PTPRR: variants seen among roughly 807,000 people sequenced by gnomAD.
PTPRR encodes the protein receptor-type tyrosine-protein phosphatase R.
Under a neutral mutation model 77.2 loss-of-function variants are expected in PTPRR, and 38 were observed. The ratio of observed to expected loss-of-function variants is 0.49; its 90% CI spans 0.38 to 0.65. PTPRR has a LOEUF of 0.65. Ranked by LOEUF, PTPRR falls within the 30% of genes least tolerant of loss-of-function variation. The pLI is 0.00. For synonymous variants in PTPRR, 299 were observed against 283.1 expected, an observed-to-expected ratio of 1.06 and a Z score of -0.57; for missense variants, 744 against 799.2, an observed-to-expected ratio of 0.93 and a Z score of 0.83.
chr12:70,742,779 C>G (rs935244240), intron 6 of PTPRR, among the ~76,000 whole-genome samples: 1 of 151,576 alleles, frequency 6.6e-6, no homozygotes, highest in Non-Finnish European at 1.5e-5. Context: ...TGGGGTTGGA[C>G]GGGGGAAACA....
intron 3 of PTPRR, among the ~76,000 whole-genome samples, chr12:70,764,108 G>A (rs1156560722): frequency 6.6e-6 from 1 of 150,476 alleles, no homozygotes; most frequent in Non-Finnish European, 1.5e-5. Flanking sequence ...CTGGGCTGCA[G>A]TCCTCAGGGT....
intron 2 of PTPRR, among the ~76,000 whole-genome samples, chr12:70,815,840 A>C (rs1212479799): frequency 6.6e-6 from 1 of 152,214 alleles, no homozygotes; most frequent in Non-Finnish European, 1.5e-5. Context: ...GAAGAGCACC[A>C]ACACTGGCCT....
intron 1 of PTPRR, among the ~76,000 whole-genome samples, chr12:70,895,172 A>C (rs553463780): frequency 6.6e-6 from 1 of 151,838 alleles, no homozygotes; most frequent in African/African-American, 2.4e-5. Context: ...AAAGCCTGTA[A>C]AAACTAGCAA....
intron 6 of PTPRR, among the ~76,000 whole-genome samples, chr12:70,712,888 T>TA (rs35983814): frequency 0.12 from 17,907 of 152,082 alleles, 1,111 homozygotes; most frequent in South Asian, 0.16. Context: ...TTTATTGAGA[T>TA]CAACTTATGT....
At chr12:70,780,194 G>T (rs1472105258) in intron 2 of PTPRR, among the ~76,000 whole-genome samples, 2 of 152,142 alleles carry the variant, frequency 1.3e-5, no homozygotes, top group African/African-American at 4.8e-5. Context: ...GTTTCACCAT[G>T]TTGGCCAGGA....
intron 2 of PTPRR, among the ~76,000 whole-genome samples, chr12:70,806,009 C>T (rs1410416947): frequency 1.3e-5 from 2 of 152,088 alleles, no homozygotes; most frequent in African/African-American, 4.8e-5. Context: ...AATATATAGA[C>T]CTTTAAGTTC....
At chr12:70,910,319 G>T (rs188652848) in intron 1 of PTPRR, among the ~76,000 whole-genome samples, 25 of 152,028 alleles carry the variant, frequency 1.6e-4, no homozygotes, top group Non-Finnish European at 1.5e-5. Context: ...ATGTTTTTTT[G>T]TTTGTTTGTT....
In PTPRR at chr12:70,695,088, TTTATAA is replaced by T. The variant is rs558346830; in HGVS notation, c.1279+3171_1279+3176del. ...CATTAGAGAAATGACTATAATTTAA[TTTATAA>T]TTATAAATTGATTTATTCATAATTG... On this transcript the variant is annotated intron_variant, in intron 8 of 13. Coordinates refer to ENST00000283228, the MANE Select transcript of PTPRR (RefSeq NM_002849.4). Among the ~76,000 whole-genome samples the T allele has an allele frequency of 2.2e-4, 33 of 152,304 alleles. 1 individual carries two copies. In the South Asian group the frequency reaches 6.8e-3, roughly 32 times the overall value.
At chr12:70,902,685 T>A (rs373282447) in intron 1 of PTPRR, among the ~76,000 whole-genome samples, 4 of 151,690 alleles carry the variant, frequency 2.6e-5, no homozygotes, top group East Asian at 1.9e-4. Context: ...AGCTAAGCTA[T>A]GAGGATGCAA....
At chr12:70,788,907 T>G (rs1479494442) in intron 2 of PTPRR, 6 of 1,474,406 alleles carry the variant, frequency 4.1e-6, no homozygotes, top group Non-Finnish European at 5.3e-6. Flanking sequence ...GCAGGACTAA[T>G]CGTAAAGCTT....
At chr12:70,692,843 A>G (rs1888100521) in intron 8 of PTPRR, among the ~76,000 whole-genome samples, 2 of 152,048 alleles carry the variant, frequency 1.3e-5, no homozygotes, top group African/African-American at 4.8e-5. Flanking sequence ...CTTGTATTTT[A>G]AGTGCTTAAA....
chr12:70,697,389 C>A (rs1888265060), intron 8 of PTPRR, among the ~76,000 whole-genome samples: 1 of 151,982 alleles, frequency 6.6e-6, no homozygotes, highest in Non-Finnish European at 1.5e-5. Flanking sequence ...CCATTGAAAT[C>A]TTTTGTCCAT....
In PTPRR at chr12:70,815,153, C is replaced by T. The variant is rs957548173; in HGVS notation, c.358-50375G>A. ...GATATCAAAAAAAAAAAAAAACCCA[C>T]GTGTCACTTCTAGAAAAAAAATTGC... On this transcript the variant is annotated intron_variant, in intron 2 of 13. Transcript: ENST00000283228. Among the ~76,000 whole-genome samples, 17 of 83,552 alleles carry T rather than the reference C, an allele frequency of 2.0e-4. No homozygotes were observed. The South Asian group carries it at 4.8e-3, about 24-fold the overall frequency. The allele number at this position is 83,552 out of a possible 152,430, so 54.8% of individuals were successfully genotyped here.
intron 2 of PTPRR, among the ~76,000 whole-genome samples, chr12:70,796,874 C>T (rs778892321): frequency 1.6e-4 from 24 of 151,996 alleles, no homozygotes; most frequent in Non-Finnish European, 2.6e-4. Context: ...CTAAATTAGC[C>T]GGGCATGGTG....
intron 5 of PTPRR, among the ~76,000 whole-genome samples, chr12:70,749,174 AAC>A (rs1188250522): frequency 1.3e-5 from 2 of 152,098 alleles, no homozygotes; most frequent in African/African-American, 4.8e-5. Flanking sequence ...AACAACAACA[AAC>A]AACAACAACC....
chr12:70,807,072 G>T (rs1483571998), intron 2 of PTPRR, among the ~76,000 whole-genome samples: 1 of 152,190 alleles, frequency 6.6e-6, no homozygotes, highest in Non-Finnish European at 1.5e-5. Context: ...AGAAAGACAT[G>T]CAGTAGAAGG....
At chr12:70,869,656 G>C (rs1372606695) in intron 2 of PTPRR, among the ~76,000 whole-genome samples, 1 of 152,132 alleles carries the variant, frequency 6.6e-6, no homozygotes, top group Non-Finnish European at 1.5e-5. Context: ...TCTTACAAGA[G>C]GGAGGGTCAG....
intron 6 of PTPRR, among the ~76,000 whole-genome samples, chr12:70,724,562 C>T (rs2136859468): frequency 6.6e-6 from 1 of 152,278 alleles, no homozygotes; most frequent in East Asian, 1.9e-4. Context: ...GCTACCAAGA[C>T]ACCTTCAGTG....
chr12:70,699,757 A>G (rs1888354631), intron 7 of PTPRR, among the ~76,000 whole-genome samples: 2 of 152,344 alleles, frequency 1.3e-5, no homozygotes, highest in Admixed American at 6.5e-5. Context: ...TGAATATTCA[A>G]TGGAAAACAC....
Sources: allele counts gnomAD v4.1 joint callset (sites outside exome capture counted in the v4.1 genomes callset), GRCh38; gene constraint gnomAD v4.1.1; transcripts MANE v1.5; gene names NCBI Gene and HGNC (gene_info 2026-07-23, HGNC 2026-07-21).